The following CCSER1 variants were observed in gnomAD, a reference collection of about 807,000 sequenced individuals.
CCSER1 encodes the protein coiled-coil serine rich protein 1.
CCSER1 carries 41 observed loss-of-function variants against 82.0 expected under a neutral mutation model. The observed-to-expected ratio is 0.50, with a 90% CI of 0.39 to 0.65. The LOEUF (loss-of-function observed/expected upper bound fraction) is 0.65. Among genes scored for constraint, CCSER1 ranks in the 30% least tolerant of loss-of-function variants. CCSER1 has a pLI of 0.00. For missense variants in CCSER1, 1,119 were observed against 1,064.2 expected (o/e 1.05, Z -0.72); for synonymous variants, 414 against 383.9 (o/e 1.08, Z -0.92).
In CCSER1 at chr4:91,602,557, A is replaced by AAAT. The variant is rs1764851919; in HGVS notation, c.*3502_*3504dup. Among the ~76,000 whole-genome samples the AAAT allele has an allele frequency of 6.6e-6, 1 of 152,072 alleles. No individual in the cohort carries two copies. On this transcript the variant is annotated 3_prime_UTR_variant, in exon 11 of 11. Coordinates refer to ENST00000509176, the MANE Select transcript of CCSER1 (RefSeq NM_001145065.2). ...TCATCATCAGCTTCTCATTATAAAG[A>AAAT]AATAGTAACCCATAGCAGTGGATAA...
intron 7 of CCSER1, among the ~76,000 whole-genome samples, chr4:90,727,511 T>C (rs985190858): frequency 6.6e-6 from 1 of 152,216 alleles, no homozygotes; most frequent in African/African-American, 2.4e-5. Context: ...TCTCCCTGAT[T>C]TCTTGCAAAC....
At chr4:90,401,471 T>C (rs1010197320) in intron 4 of CCSER1, among the ~76,000 whole-genome samples, 4 of 152,194 alleles carry the variant, frequency 2.6e-5, no homozygotes, top group African/African-American at 7.2e-5. Context: ...CGAACAGTCA[T>C]TAAAAAGGAG....
At chr4:91,102,875 C>G (rs1725220435) in intron 10 of CCSER1, among the ~76,000 whole-genome samples, 1 of 152,108 alleles carries the variant, frequency 6.6e-6, no homozygotes, top group Non-Finnish European at 1.5e-5. Context: ...TGATTCCCTT[C>G]TTAATTACAA....
At position 91,558,393 on chromosome 4, in the gene CCSER1, G is replaced by A. The variant is rs184349489; in HGVS notation, c.2218-40179G>A. On this transcript the variant is annotated intron_variant, in intron 10 of 10. Transcript: ENST00000509176. ...AATGAATTTAGAGTATTTTAGCACTGTATTTAAATATTGCTGTAACAATGT... is the reference window on the plus strand; with the variant it reads ...AATGAATTTAGAGTATTTTAGCACTATATTTAAATATTGCTGTAACAATGT... Among the ~76,000 whole-genome samples, 465 of 151,696 alleles carry A rather than the reference G, an allele frequency of 3.1e-3. 2 individuals are homozygous for A. The highest frequency in any genetic ancestry group is 0.011 in the African/African-American group (456 of 41,468).
intron 3 of CCSER1, among the ~76,000 whole-genome samples, chr4:90,372,169 G>A (rs1747547039): frequency 6.6e-6 from 1 of 151,882 alleles, no homozygotes; most frequent in African/African-American, 2.4e-5. Flanking sequence ...AATTCCTCCT[G>A]GGAAAAAATG....
chr4:91,162,068 G>A (rs1304272426), intron 10 of CCSER1, among the ~76,000 whole-genome samples: 1 of 152,042 alleles, frequency 6.6e-6, no homozygotes, highest in Non-Finnish European at 1.5e-5. Flanking sequence ...TTGGCTGTGG[G>A]TTTGTCATAA....
At chr4:90,940,082 GAA>G (rs1731411996) in intron 9 of CCSER1, among the ~76,000 whole-genome samples, 1 of 152,062 alleles carries the variant, frequency 6.6e-6, no homozygotes, top group African/African-American at 2.4e-5. Flanking sequence ...GAATTCAATT[GAA>G]GATCTTTTAC....
At chr4:91,258,727 T>C (rs1355689473) in intron 10 of CCSER1, among the ~76,000 whole-genome samples, 2 of 152,130 alleles carry the variant, frequency 1.3e-5, no homozygotes, top group East Asian at 1.9e-4. Context: ...TATGCTAATA[T>C]GCAAAAATAA....
At chr4:91,235,664 A>G (rs1738943154) in intron 10 of CCSER1, among the ~76,000 whole-genome samples, 1 of 152,078 alleles carries the variant, frequency 6.6e-6, no homozygotes, top group South Asian at 2.1e-4. Context: ...TTTTTTAAAT[A>G]GGAGACAGGC....
chr4:90,747,207 C>T (rs967556523), intron 7 of CCSER1, among the ~76,000 whole-genome samples: 13 of 152,144 alleles, frequency 8.5e-5, no homozygotes, highest in Non-Finnish European at 1.9e-4. Flanking sequence ...CAAGGTTATG[C>T]ATTTCTTTTA....
At chr4:91,319,120 C>A in intron 10 of CCSER1, 1 of 269,790 alleles carries the variant, frequency 3.7e-6, no homozygotes, top group Non-Finnish European at 7.5e-6. Context: ...GTATCAGCTT[C>A]TGGATAATTT....
intron 5 of CCSER1, among the ~76,000 whole-genome samples, chr4:90,551,704 C>CTATATATATATATATATATATA (rs1242206717): frequency 1.9e-5 from 2 of 107,538 alleles, no homozygotes; most frequent in African/African-American, 9.1e-5. Flanking sequence ...CTCTCTCTCT[C>CTATATATATATATATATATATA]TCTATATATA....
At chr4:90,638,780 A>T (rs1050406716) in intron 6 of CCSER1, among the ~76,000 whole-genome samples, 2 of 152,138 alleles carry the variant, frequency 1.3e-5, no homozygotes, top group Non-Finnish European at 2.9e-5. Flanking sequence ...AGATTAGAGA[A>T]GGTGGAGAAA....
chr4:90,658,956 T>C (rs1346919796), intron 6 of CCSER1, among the ~76,000 whole-genome samples: 4 of 152,166 alleles, frequency 2.6e-5, no homozygotes, highest in Non-Finnish European at 4.4e-5. Flanking sequence ...ATGTACTGTA[T>C]ACACACACAT....
chr4:90,777,568 T>C (rs924277317), intron 7 of CCSER1, among the ~76,000 whole-genome samples: 1 of 152,112 alleles, frequency 6.6e-6, no homozygotes, highest in Non-Finnish European at 1.5e-5. Flanking sequence ...ATCACTTATC[T>C]CCATCTATAT....
intron 8 of CCSER1, among the ~76,000 whole-genome samples, chr4:90,844,185 A>G (rs944419436): frequency 1.3e-5 from 2 of 151,828 alleles, no homozygotes; most frequent in Non-Finnish European, 2.9e-5. Context: ...GAATATATAC[A>G]TAGATATAGA....
intron 10 of CCSER1, among the ~76,000 whole-genome samples, chr4:91,256,791 T>C (rs1265524156): frequency 1.3e-5 from 2 of 152,214 alleles, no homozygotes; most frequent in Non-Finnish European, 2.9e-5. Context: ...TTGTTTCATT[T>C]TGATGTTAAG....
At chr4:90,623,271 T>C (rs74673370) in intron 5 of CCSER1, among the ~76,000 whole-genome samples, 4 of 152,030 alleles carry the variant, frequency 2.6e-5, no homozygotes, top group Non-Finnish European at 5.9e-5. Flanking sequence ...CCTGACCTCA[T>C]GATCCCCCAA....
intron 3 of CCSER1, among the ~76,000 whole-genome samples, chr4:90,382,614 T>G (rs906083998): frequency 6.6e-6 from 1 of 152,054 alleles, no homozygotes; most frequent in Non-Finnish European, 1.5e-5. Flanking sequence ...GAATGGGAAA[T>G]TCTAATTTAC....
Sources: allele counts gnomAD v4.1 joint callset (sites outside exome capture counted in the v4.1 genomes callset), GRCh38; gene constraint gnomAD v4.1.1; transcripts MANE v1.5; gene names NCBI Gene and HGNC (gene_info 2026-07-23, HGNC 2026-07-21).